DMD: variants seen among roughly 807,000 people sequenced by gnomAD.
DMD encodes mutant dystrophin.
In DMD, 63 loss-of-function variants were observed where a neutral mutation model predicts 330.1. That is an observed-to-expected ratio of 0.19 (90% CI 0.16 to 0.24). DMD has a LOEUF of 0.24. Ranked by LOEUF, DMD falls within the 10% of genes least tolerant of loss-of-function variation. The pLI is 1.00. For missense variants in DMD, 3,344 were observed against 2,684.1 expected (o/e 1.25, Z -5.43); for synonymous variants, 1,223 against 959.8 (o/e 1.27, Z -5.07).
intron 1 of DMD, among the ~76,000 whole-genome samples, chrX:33,078,635 A>C (rs1325550870): frequency 8.9e-6 from 1 of 111,913 alleles, no homozygotes; most frequent in Non-Finnish European, 1.9e-5. Context: ...CATAATTTTT[A>C]AAGTTATCTA....
chrX:32,456,716 T>A (rs1214520924), intron 25 of DMD, among the ~76,000 whole-genome samples: 1 of 108,190 alleles, frequency 9.2e-6, no homozygotes, highest in Non-Finnish European at 1.9e-5. Flanking sequence ...ATAGATTTGA[T>A]GTTCGGCTGT....
At chrX:32,674,303 C>T (rs1448564619) in intron 9 of DMD, among the ~76,000 whole-genome samples, 13 of 111,614 alleles carry the variant, frequency 1.2e-4, no homozygotes, top group Non-Finnish European at 3.8e-5. Context: ...TTGAAAGGGA[C>T]TGCTAATCAC....
At chrX:32,591,183 T>A (rs1278017515) in intron 13 of DMD, among the ~76,000 whole-genome samples, 2 of 111,552 alleles carry the variant, frequency 1.8e-5, no homozygotes, top group African/African-American at 6.5e-5. Flanking sequence ...TACTTTTAAT[T>A]CTCCAAAATA....
chrX:31,890,699 T>C (rs1448922842), intron 47 of DMD, among the ~76,000 whole-genome samples: 1 of 111,703 alleles, frequency 9.0e-6, no homozygotes, highest in Non-Finnish European at 1.9e-5. Flanking sequence ...AATTTGATAG[T>C]TTCAATAATA....
intron 7 of DMD, among the ~76,000 whole-genome samples, chrX:32,783,555 G>A (rs747992098): frequency 9.1e-6 from 1 of 110,057 alleles, no homozygotes; most frequent in East Asian, 2.9e-4. Context: ...TCTGTACTCA[G>A]AGCCCCTGTA....
intron 1 of DMD, among the ~76,000 whole-genome samples, chrX:33,037,177 G>C (rs977946339): frequency 2.7e-5 from 3 of 111,406 alleles, no homozygotes; most frequent in Non-Finnish European, 5.7e-5. Flanking sequence ...GTTATTTGTA[G>C]CCAAGTGTCC....
In DMD at chrX:33,009,248, A is replaced by G. The variant is rs776159647; in HGVS notation, c.93+10891T>C. Among the ~76,000 whole-genome samples, 35 of 57,936 alleles carry G rather than the reference A, an allele frequency of 6.0e-4. 1 individual carries two copies. Among genetic ancestry groups the G allele is most frequent in the African/African-American group, 2.6e-3 (32 of 12,427 alleles). The allele number at this position is 57,936 out of a possible 115,157, so 50.3% of individuals were successfully genotyped here. A position where few individuals can be genotyped will look rare whatever the true frequency, so the allele number is the denominator to read the frequency against. On this transcript the variant is annotated intron_variant, in intron 2 of 78. Coordinates refer to ENST00000357033, the MANE Select transcript of DMD (RefSeq NM_004006.3). The stretch of plus-strand genomic sequence containing the variant: ...TATATGTGTATATATACACATGTGC[A>G]TATATGTGTATGTGTGTATATATAC...
intron 2 of DMD, among the ~76,000 whole-genome samples, chrX:33,010,806 A>G (rs1602684578): frequency 9.0e-6 from 1 of 110,587 alleles, no homozygotes; most frequent in East Asian, 2.9e-4. Context: ...ATTCTCTACT[A>G]CAGACCTGAT....
chrX:32,552,903 A>G (rs2049742740), intron 16 of DMD, among the ~76,000 whole-genome samples: 1 of 111,975 alleles, frequency 8.9e-6, no homozygotes, highest in South Asian at 3.7e-4. Flanking sequence ...ATTATTAAGA[A>G]GTCAAAAAAT....
intron 60 of DMD, among the ~76,000 whole-genome samples, chrX:31,352,271 T>C (rs1461348987): frequency 9.1e-6 from 1 of 110,366 alleles, no homozygotes; most frequent in Non-Finnish European, 1.9e-5. Context: ...TGGGCATATG[T>C]CATTATTTCT....
intron 44 of DMD, among the ~76,000 whole-genome samples, chrX:32,047,382 A>G (rs1373787404): frequency 9.0e-6 from 1 of 111,705 alleles, no homozygotes; most frequent in African/African-American, 3.2e-5. Context: ...ACCTTCCAAG[A>G]TAAGTTCACA....
chrX:32,759,420 T>G (rs1198426621), intron 7 of DMD, among the ~76,000 whole-genome samples: 1 of 111,831 alleles, frequency 8.9e-6, no homozygotes, highest in Non-Finnish European at 1.9e-5. Flanking sequence ...ATATTCAATG[T>G]TCATTCTGAT....
At chrX:32,285,765 T>C (rs749820289) in intron 43 of DMD, among the ~76,000 whole-genome samples, 111 of 111,006 alleles carry the variant, frequency 1.0e-3, no homozygotes, top group African/African-American at 2.8e-3. Context: ...CAGTGGTGGA[T>C]TTGGGCTCAC....
At chrX:32,554,941 G>GAA (rs796623069) in intron 16 of DMD, among the ~76,000 whole-genome samples, 452 of 29,707 alleles carry the variant, frequency 0.015, 7 homozygotes, top group African/African-American at 0.036. Flanking sequence ...AAGAAAGAAA[G>GAA]AGAGAGAGAG....
At chrX:32,602,699 A>AC (rs1164437419) in intron 12 of DMD, among the ~76,000 whole-genome samples, 1 of 111,439 alleles carries the variant, frequency 9.0e-6, no homozygotes, top group African/African-American at 3.3e-5. Context: ...AGCTACCACT[A>AC]CTGCTTACTC....
At chrX:32,151,073 T>A (rs1159779540) in intron 44 of DMD, among the ~76,000 whole-genome samples, 1 of 111,871 alleles carries the variant, frequency 8.9e-6, no homozygotes, top group Non-Finnish European at 1.9e-5. Context: ...ATTACTATTA[T>A]ACTTTGTGTG....
intron 55 of DMD, among the ~76,000 whole-genome samples, chrX:31,518,284 A>T (rs757831891): frequency 8.9e-6 from 1 of 111,942 alleles, no homozygotes; most frequent in East Asian, 2.8e-4. Flanking sequence ...AACGAGTCTT[A>T]AAGACAGGCT....
intron 55 of DMD, among the ~76,000 whole-genome samples, chrX:31,614,807 A>G (rs1312390222): frequency 8.9e-6 from 1 of 112,197 alleles, no homozygotes; most frequent in Non-Finnish European, 1.9e-5. Context: ...AATTTAGAAA[A>G]CCATGTAAAC....
At chrX:32,123,246 T>TATATATATATATATATATATATA (rs2096646703) in intron 44 of DMD, among the ~76,000 whole-genome samples, 1 of 83,887 alleles carries the variant, frequency 1.2e-5, no homozygotes, top group Non-Finnish European at 2.3e-5. Context: ...TATATATAAA[T>TATATATATATATATATATATATA]GATCAAAATT....
Sources: gnomAD v4.1 joint callset for allele counts (sites outside exome capture counted in the v4.1 genomes callset) on GRCh38, gnomAD v4.1.1 for gene constraint, MANE v1.5 for transcripts, NCBI Gene and HGNC (gene_info 2026-07-23, HGNC 2026-07-21) for gene names.